PIP5K1A: variants seen among roughly 807,000 people sequenced by gnomAD.
PIP5K1A encodes the protein phosphatidylinositol-4-phosphate 5-kinase type 1 alpha.
Under a neutral mutation model 72.9 loss-of-function variants are expected in PIP5K1A, and 46 were observed. That is an observed-to-expected ratio of 0.63 (90% CI 0.50 to 0.81). The LOEUF (loss-of-function observed/expected upper bound fraction) is 0.81, where lower values mean the gene tolerates loss of function less well. Ranked by LOEUF, PIP5K1A falls within the 30% of genes least tolerant of loss-of-function variation. PIP5K1A has a pLI of 0.00. For synonymous variants in PIP5K1A, 228 were observed against 255.1 expected (o/e 0.89, Z 1.01); for missense variants, 458 against 706.1 (o/e 0.65, Z 3.98).
At chr1:151,224,199 G>T (rs750371229) in intron 1 of PIP5K1A, 46 bp from the exon 2 acceptor site, 2 of 1,520,488 alleles carry the variant, frequency 1.3e-6, no homozygotes, top group East Asian at 4.5e-5. Flanking sequence ...TGACAGAGAT[G>T]TGAGTGTGTG....
At chr1:151,196,849 CTG>C (rs1684593252), upstream of PIP5K1A, among the ~76,000 whole-genome samples, 1 of 141,364 alleles carries the variant, frequency 7.1e-6, no homozygotes, top group Non-Finnish European at 1.5e-5. Context: ...GCGTGAGCCA[CTG>C]CGCCCGGCCT....
chr1:151,204,233 A>G (rs587763415), intron 1 of PIP5K1A, among the ~76,000 whole-genome samples: 2 of 152,068 alleles, frequency 1.3e-5, no homozygotes, highest in East Asian at 1.9e-4. Flanking sequence ...TTGGAGTGCA[A>G]TGGCGCGATC....
At chr1:151,203,188 T>C (rs150920690) in intron 1 of PIP5K1A, among the ~76,000 whole-genome samples, 169 of 152,252 alleles carry the variant, frequency 1.1e-3, no homozygotes, top group African/African-American at 3.8e-3. Flanking sequence ...ACACTGCTCC[T>C]ATGAAATAAG....
At chr1:151,203,403 C>T (rs1685477701) in intron 1 of PIP5K1A, among the ~76,000 whole-genome samples, 1 of 151,846 alleles carries the variant, frequency 6.6e-6, no homozygotes, top group South Asian at 2.1e-4. Flanking sequence ...GTGGCAGGCA[C>T]CTGTAATCCC....
intron 4 of PIP5K1A, among the ~76,000 whole-genome samples, chr1:151,231,119 A>G (rs1689988245): frequency 6.6e-6 from 1 of 151,600 alleles, no homozygotes; most frequent in South Asian, 2.1e-4. Context: ...AGGCATGAGA[A>G]TCGCTTGAAC....
At chr1:151,208,749 T>TTTTTTTTTTG (rs1686345333) in intron 1 of PIP5K1A, among the ~76,000 whole-genome samples, 1 of 125,856 alleles carries the variant, frequency 7.9e-6, no homozygotes, top group Non-Finnish European at 1.7e-5. Flanking sequence ...TTTTTTTTTT[T>TTTTTTTTTTG]GGAGACGGAG....
intron 7 of PIP5K1A, chr1:151,233,896 C>G: frequency 3.0e-6 from 1 of 330,362 alleles, no homozygotes; most frequent in Non-Finnish European, 5.6e-6. Context: ...CAAGAATATA[C>G]TATACCCAGG....
At position 151,246,921 on chromosome 1, in the gene PIP5K1A, A is replaced by G. The variant is rs147880950; in HGVS notation, c.1642A>G (p.Thr548Ala). 2 of 1,612,054 alleles carry G rather than the reference A, an allele frequency of 1.2e-6. No individual in the cohort carries two copies. The highest frequency in any genetic ancestry group is 1.7e-6 in the Non-Finnish European group (2 of 1,178,546). ...CTTCCATTTTTTTTCTCCTGTTAGT[A>G]CAACCTTGGAAAAGCTTGAAGTTGC... ...GETLQMLTTSTTLEKLEVAES... is the reference protein window; with the variant it reads ...GETLQMLTTSATLEKLEVAES... The change falls in exon 15 of 16, where the codon ACA becomes GCA. Residue 548 changes from threonine (T) to alanine (A), a missense_variant and splice_region_variant. Physicochemically the swap from Thr to Ala is moderately conservative, Grantham distance 58. Around this residue, in one of 3 missense-constraint regions of PIP5K1A, gnomAD observed 157 missense variants for 175.5 expected, o/e 0.89. Transcript: ENST00000368888.
chr1:151,202,133 G>T (rs1234110879), intron 1 of PIP5K1A, among the ~76,000 whole-genome samples: 6 of 152,218 alleles, frequency 3.9e-5, no homozygotes, highest in Non-Finnish European at 1.5e-5. Flanking sequence ...AATGCCAGAA[G>T]ATTGGGAGTG....
In PIP5K1A at chr1:151,232,404, CAG is replaced by C. The variant is rs773214568; in HGVS notation, c.486+42_486+43del. On this transcript the variant is annotated intron_variant, in intron 6 of 15. Coordinates refer to ENST00000368888, the MANE Select transcript of PIP5K1A (RefSeq NM_001135638.2). ...TATCAGGACACTGTGACTCCAGTAT[CAG>C]AGGGATATTCCCAAAGGAAGGCCCC... 7 of 1,514,786 alleles carry C rather than the reference CAG, an allele frequency of 4.6e-6. No homozygotes were observed. The African/African-American group carries it at 5.5e-5, about 12-fold the overall frequency. The allele number at this position is 1,514,786 out of a possible 1,614,324, so 93.8% of individuals were successfully genotyped here. A position where few individuals can be genotyped will look rare whatever the true frequency, so the allele number is the denominator to read the frequency against.
upstream of PIP5K1A, among the ~76,000 whole-genome samples, chr1:151,196,266 A>ATTTT (rs1684553686): frequency 6.6e-6 from 1 of 152,274 alleles, no homozygotes; most frequent in Admixed American, 6.5e-5. Flanking sequence ...AACAAGGATA[A>ATTTT]TTTATTCAAC....
At chr1:151,218,445 C>G (rs1687936566) in intron 1 of PIP5K1A, among the ~76,000 whole-genome samples, 6 of 152,030 alleles carry the variant, frequency 3.9e-5, no homozygotes, top group Admixed American at 3.9e-4. Flanking sequence ...TTCATATTGT[C>G]CATTAGCAAA....
chr1:151,219,462 G>A (rs184959876), intron 1 of PIP5K1A, among the ~76,000 whole-genome samples: 101 of 151,720 alleles, frequency 6.7e-4, no homozygotes, highest in Admixed American at 4.9e-3. Flanking sequence ...TGAGGCGGGC[G>A]GGTCATCTGC....
chr1:151,242,032 GTGTT>G, intron 12 of PIP5K1A, 87 bp from the exon 13 acceptor site: 1 of 1,319,268 alleles, frequency 7.6e-7, no homozygotes, highest in Non-Finnish European at 1.1e-6. Flanking sequence ...CTTTGGGTGT[GTGTT>G]GGGGATACTA....
intron 1 of PIP5K1A, among the ~76,000 whole-genome samples, chr1:151,204,741 T>C (rs1196967916): frequency 6.6e-6 from 1 of 152,186 alleles, no homozygotes; most frequent in Non-Finnish European, 1.5e-5. Flanking sequence ...CCTTTTTCCT[T>C]TTGTCACCTT....
Position 151,232,705 on chromosome 1 carries a change from T to C in PIP5K1A, c.639+2T>C. ...AAGCTGCTTCCAGGATACTACATGG[T>C]AAGGGAGAGAGAAGCACTGTCCACC... On this transcript the variant is annotated splice_donor_variant, in intron 7 of 15. Coordinates refer to ENST00000368888, the MANE Select transcript of PIP5K1A (RefSeq NM_001135638.2). LOFTEE classifies it high-confidence loss of function. 1 of 1,612,974 alleles carries C rather than the reference T, an allele frequency of 6.2e-7. No homozygotes were observed. The highest frequency in any genetic ancestry group is 8.5e-7 in the Non-Finnish European group (1 of 1,179,482).
chr1:151,204,343 A>G (rs1444357604), intron 1 of PIP5K1A, among the ~76,000 whole-genome samples: 1 of 151,816 alleles, frequency 6.6e-6, no homozygotes, highest in Non-Finnish European at 1.5e-5. Context: ...CGCCCGGCTA[A>G]TTTTTGTATT....
At chr1:151,232,079 A>G (rs1475726477) in intron 5 of PIP5K1A, among the ~76,000 whole-genome samples, 169 bp from the exon 6 acceptor site, 3 of 152,102 alleles carry the variant, frequency 2.0e-5, no homozygotes, top group Non-Finnish European at 4.4e-5. Flanking sequence ...CTTGCTGTCC[A>G]TGCTGTGCCA....
intron 5 of PIP5K1A, 87 bp from the exon 6 acceptor site, chr1:151,232,161 A>G (rs1690177618): frequency 2.3e-6 from 2 of 863,364 alleles, no homozygotes; most frequent in South Asian, 1.4e-5. Flanking sequence ...TCCCCCCACC[A>G]TGAGGTGACT....
Sources: gnomAD v4.1 joint callset for allele counts (sites outside exome capture counted in the v4.1 genomes callset) on GRCh38, gnomAD v4.1.1 for gene constraint, gnomAD v4.1.1 regional missense constraint, MANE v1.5 for transcripts, NCBI Gene and HGNC (gene_info 2026-07-23, HGNC 2026-07-21) for gene names.